The following ANTXR2 variants were observed in gnomAD, a reference collection of about 807,000 sequenced individuals.
The protein encoded by ANTXR2 is ANTXR cell adhesion molecule 2.
A neutral mutation model predicts 73.7 loss-of-function variants in ANTXR2; 44 were observed. That is an observed-to-expected ratio of 0.60 (90% CI 0.47 to 0.77). The LOEUF is 0.77. Ranked by LOEUF, ANTXR2 falls within the 30% of genes least tolerant of loss-of-function variation. The pLI, the probability that ANTXR2 is intolerant of heterozygous loss-of-function variation, is 0.00. For missense variants in ANTXR2, 604 were observed against 592.5 expected, an observed-to-expected ratio of 1.02 and a Z score of -0.20; for synonymous variants, 217 against 205.9, an observed-to-expected ratio of 1.05 and a Z score of -0.46.
intron 11 of ANTXR2, 140 bp downstream of exon 11, chr4:80,018,758 C>T (rs1732001897): frequency 1.5e-6 from 1 of 683,674 alleles, no homozygotes. Context: ...GAATTCTATA[C>T]AAAATTTTTC....
chr4:79,933,064 C>T (rs1303221416), intron 16 of ANTXR2, among the ~76,000 whole-genome samples: 1 of 152,106 alleles, frequency 6.6e-6, no homozygotes, highest in Non-Finnish European at 1.5e-5. Context: ...ATCCTTGCTG[C>T]ATTAGTTATA....
chr4:79,988,717 T>G (rs989650975), intron 12 of ANTXR2, among the ~76,000 whole-genome samples: 1 of 152,080 alleles, frequency 6.6e-6, no homozygotes, highest in Non-Finnish European at 1.5e-5. Context: ...ATATGGCACA[T>G]ACTCTAAGAT....
At chr4:80,066,808 G>C (rs956452798) in intron 3 of ANTXR2, among the ~76,000 whole-genome samples, 7 of 152,148 alleles carry the variant, frequency 4.6e-5, no homozygotes, top group Middle Eastern at 3.2e-3. Context: ...ACTTATCCTT[G>C]ACCATTTGGC....
intron 10 of ANTXR2, among the ~76,000 whole-genome samples, chr4:80,029,451 T>C (rs988004026): frequency 6.6e-6 from 1 of 152,088 alleles, no homozygotes; most frequent in Non-Finnish European, 1.5e-5. Flanking sequence ...TTCAGATCGT[T>C]ATGTTAACTG....
At chr4:80,049,916 G>C (rs942750511) in intron 7 of ANTXR2, among the ~76,000 whole-genome samples, 1 of 151,646 alleles carries the variant, frequency 6.6e-6, no homozygotes, top group African/African-American at 2.4e-5. Flanking sequence ...AGCTCAACAA[G>C]AGTCAAAGAT....
chr4:79,936,289 A>G (rs143593672), intron 16 of ANTXR2, among the ~76,000 whole-genome samples: 1,610 of 150,966 alleles, frequency 0.011, 20 homozygotes, highest in Middle Eastern at 0.031. Flanking sequence ...ATAAATTTTT[A>G]AATGACAAAA....
At chr4:79,944,713 C>T (rs1728451680) in intron 16 of ANTXR2, among the ~76,000 whole-genome samples, 1 of 152,054 alleles carries the variant, frequency 6.6e-6, no homozygotes. Context: ...TTTGTGCTGG[C>T]AATTTTAATT....
intron 16 of ANTXR2, among the ~76,000 whole-genome samples, chr4:79,929,036 T>A (rs1317145663): frequency 6.6e-6 from 1 of 152,152 alleles, no homozygotes; most frequent in Non-Finnish European, 1.5e-5. Flanking sequence ...ATTATCCTAA[T>A]AATTTAGAGT....
At position 79,979,476 on chromosome 4, in the gene ANTXR2, A is replaced by G. The variant is rs775404160; in HGVS notation, c.1180-1302T>C. 3.3e-5 allele frequency among the ~76,000 whole-genome samples: 5 copies of G among 152,120 alleles called. No individual in the cohort carries two copies. In the South Asian group the frequency reaches 1.0e-3, roughly 31 times the overall value. On this transcript the variant is annotated intron_variant, in intron 14 of 16. Coordinates refer to ENST00000403729, the MANE Select transcript of ANTXR2 (RefSeq NM_058172.6). ...TTAGTGGGTAGGGATAGAGAAGATTACTATTCATGGAAAGAACTATTCAGT... is the reference window on the plus strand; with the variant it reads ...TTAGTGGGTAGGGATAGAGAAGATTGCTATTCATGGAAAGAACTATTCAGT...
intron 16 of ANTXR2, among the ~76,000 whole-genome samples, chr4:79,909,938 C>G (rs1042477753): frequency 6.6e-6 from 1 of 152,196 alleles, no homozygotes; most frequent in African/African-American, 2.4e-5. Context: ...TATAGCCACA[C>G]TACATCGTGC....
intron 3 of ANTXR2, among the ~76,000 whole-genome samples, chr4:80,058,937 G>C (rs1734123957): frequency 6.6e-6 from 1 of 152,052 alleles, no homozygotes; most frequent in Admixed American, 6.6e-5. Flanking sequence ...TTTCAAAGCA[G>C]AAGTTTCTTT....
rs898119583 is a variant in ANTXR2 at position 79,906,434 on chromosome 4, A to G, written c.*995T>C. ...AATTAAACTTTGAAATTTTAATGCA[A>G]AGAGAGTTGCTGGCTTGTGACGCTG... On this transcript the variant is annotated 3_prime_UTR_variant, in exon 17 of 17. Transcript: ENST00000403729. 1 of 152,612 alleles carries G rather than the reference A, an allele frequency of 6.6e-6. No homozygotes were observed. Among genetic ancestry groups the G allele is most frequent in the African/African-American group, 2.4e-5 (1 of 41,456 alleles). The allele number at this position is 152,612 out of a possible 1,614,324, so 9.5% of individuals were successfully genotyped here.
chr4:79,926,154 A>G (rs28373010), intron 16 of ANTXR2, among the ~76,000 whole-genome samples: 49,981 of 152,042 alleles, frequency 0.33, 10,264 homozygotes, highest in Non-Finnish European at 0.45. Flanking sequence ...AAATCAATAA[A>G]TACTTTTAAA....
chr4:80,071,510 G>A lies in ANTXR2; in HGVS notation c.224+73C>T, dbSNP rs1022196956. On this transcript the variant is annotated intron_variant, in intron 2 of 16. Transcript: ENST00000403729. ...TTCAGGAAAAGTTTTTCCTATAAAAGGTTTCAGAAAAGGGAAATTCTACAC... is the reference window on the plus strand; with the variant it reads ...TTCAGGAAAAGTTTTTCCTATAAAAAGTTTCAGAAAAGGGAAATTCTACAC... The A allele has an allele frequency of 3.3e-5, 43 of 1,312,608 alleles. No homozygotes were observed. In the East Asian group the frequency reaches 9.3e-4, roughly 28 times the overall value. 81.3% of individuals were successfully genotyped at this position (1,312,608 alleles called of 1,614,324 possible).
chr4:79,949,554 G>A (rs541323950), intron 16 of ANTXR2, among the ~76,000 whole-genome samples: 4 of 152,242 alleles, frequency 2.6e-5, no homozygotes, highest in African/African-American at 7.2e-5. Flanking sequence ...AGTGTCTTCA[G>A]TGGCCCAAGA....
chr4:80,050,266 T>C (rs1383966949), intron 7 of ANTXR2, among the ~76,000 whole-genome samples: 1 of 151,770 alleles, frequency 6.6e-6, no homozygotes, highest in Admixed American at 6.6e-5. Context: ...GGCTTGAGGA[T>C]TTAATACCAG....
chr4:80,036,528 C>T (rs1050583686), intron 7 of ANTXR2, among the ~76,000 whole-genome samples: 1 of 152,076 alleles, frequency 6.6e-6, no homozygotes, highest in Non-Finnish European at 1.5e-5. Flanking sequence ...TGACTGTGCA[C>T]AGTGGCTCAT....
chr4:80,047,771 T>C (rs1375844051), intron 7 of ANTXR2, among the ~76,000 whole-genome samples: 1 of 151,704 alleles, frequency 6.6e-6, no homozygotes, highest in Non-Finnish European at 1.5e-5. Context: ...AATAGAAACA[T>C]AGGCAAAACT....
intron 16 of ANTXR2, among the ~76,000 whole-genome samples, chr4:79,929,948 G>T (rs981813575): frequency 1.3e-5 from 2 of 152,032 alleles, no homozygotes; most frequent in Non-Finnish European, 2.9e-5. Context: ...CATTACAACG[G>T]TCCTGTGACA....
Sources: gnomAD v4.1 joint callset for allele counts (sites outside exome capture counted in the v4.1 genomes callset) on GRCh38, gnomAD v4.1.1 for gene constraint, MANE v1.5 for transcripts, NCBI Gene and HGNC (gene_info 2026-07-23, HGNC 2026-07-21) for gene names.